Variants in RTF2 observed in about 807,000 individuals in gnomAD.
RTF2 encodes the protein UPF0549 protein C20orf43.
In RTF2, 18 loss-of-function variants were observed where a neutral mutation model predicts 38.0. The ratio of observed to expected loss-of-function variants is 0.47; its 90% confidence interval spans 0.33 to 0.70. RTF2 has a LOEUF of 0.70. Ranked by LOEUF, RTF2 falls within the 30% of genes least tolerant of loss-of-function variation. The pLI is 0.02. For missense variants in RTF2, 311 were observed against 379.6 expected (o/e 0.82, Z 1.50); for synonymous variants, 126 against 137.1 (o/e 0.92, Z 0.57).
chr20:56,481,194 G>C (rs1483513952), intron 4 of RTF2, among the ~76,000 whole-genome samples: 2 of 152,228 alleles, frequency 1.3e-5, no homozygotes, highest in Non-Finnish European at 2.9e-5. Context: ...ATTCAGGAAA[G>C]GGGTGGGGCA....
At chr20:56,493,492 T>C (rs1983303863) in intron 5 of RTF2, among the ~76,000 whole-genome samples, 1 of 151,776 alleles carries the variant, frequency 6.6e-6, no homozygotes, top group African/African-American at 2.4e-5. Flanking sequence ...ACCCCATATC[T>C]ACAAAGATAA....
At chr20:56,484,289 T>C (rs1179598749) in intron 5 of RTF2, 100 bp downstream of exon 5, 2 of 1,042,540 alleles carry the variant, frequency 1.9e-6, no homozygotes, top group Non-Finnish European at 3.0e-6. Flanking sequence ...AAATCAGCTC[T>C]CATAAGTTGC....
At chr20:56,517,699 A>G (rs1337193420) in intron 8 of RTF2, among the ~76,000 whole-genome samples, 5 of 152,196 alleles carry the variant, frequency 3.3e-5, no homozygotes. Context: ...AGAAAAATAC[A>G]GATTCATTGT....
chr20:56,496,384 C>G (rs1414645090), intron 5 of RTF2, among the ~76,000 whole-genome samples: 1 of 152,126 alleles, frequency 6.6e-6, no homozygotes, highest in Non-Finnish European at 1.5e-5. Context: ...ACTGTCTCTA[C>G]TAAAAATACA....
At chr20:56,485,231 G>A (rs1430997977) in intron 5 of RTF2, among the ~76,000 whole-genome samples, 1 of 152,190 alleles carries the variant, frequency 6.6e-6, no homozygotes, top group South Asian at 2.1e-4. Context: ...GAGACCCGAA[G>A]GGCACGAGGG....
chr20:56,497,481 A>G (rs1391190059), intron 5 of RTF2: 3 of 1,503,412 alleles, frequency 2.0e-6, no homozygotes, highest in Non-Finnish European at 2.7e-6. Context: ...GCCACATTCT[A>G]CTACTTCTGG....
At chr20:56,469,168 C>G (rs1195871997) in intron 1 of RTF2, among the ~76,000 whole-genome samples, 2 of 152,212 alleles carry the variant, frequency 1.3e-5, no homozygotes, top group Non-Finnish European at 2.9e-5. Context: ...TTTGTATACA[C>G]TAACTTCATT....
chr20:56,491,060 C>CT (rs1983096169), intron 5 of RTF2, among the ~76,000 whole-genome samples: 1 of 152,182 alleles, frequency 6.6e-6, no homozygotes, highest in African/African-American at 2.4e-5. Flanking sequence ...CAGATGAGCT[C>CT]TGTTTTACCC....
At chr20:56,513,497 T>A in intron 6 of RTF2, 69 bp downstream of exon 6, 2 of 1,540,776 alleles carry the variant, frequency 1.3e-6, no homozygotes, top group Non-Finnish European at 1.8e-6. Context: ...ATCACTGAAC[T>A]GAGCTGGCAG....
At chr20:56,499,329 T>G (rs4810022) in intron 5 of RTF2, among the ~76,000 whole-genome samples, 19 of 151,728 alleles carry the variant, frequency 1.3e-4, no homozygotes, top group Admixed American at 1.3e-3. Flanking sequence ...CCCAGGTGCA[T>G]GCCACCATGC....
intron 2 of RTF2, 36 bp from the exon 3 acceptor site, chr20:56,474,642 C>CTTCT: frequency 7.3e-7 from 1 of 1,363,618 alleles, no homozygotes; most frequent in Non-Finnish European, 1.0e-6. Context: ...TTGAAAGTCG[C>CTTCT]TTGTTGACAT....
intron 5 of RTF2, among the ~76,000 whole-genome samples, chr20:56,489,420 G>A (rs1302034845): frequency 6.6e-6 from 1 of 152,094 alleles, no homozygotes; most frequent in Non-Finnish European, 1.5e-5. Flanking sequence ...CCTGTTGGGG[G>A]CAGGTGTTTG....
Position 56,518,396 on chromosome 20 carries a change from C to A in RTF2, c.*131C>A. 1 of 946,056 alleles carries A rather than the reference C, an allele frequency of 1.1e-6. No homozygotes were observed. Among genetic ancestry groups the A allele is most frequent in the Non-Finnish European group, 1.5e-6 (1 of 652,384 alleles). 58.6% of individuals were successfully genotyped at this position (946,056 alleles called of 1,614,324 possible). A position where few individuals can be genotyped will look rare whatever the true frequency, so the allele number is the denominator to read the frequency against. On this transcript the variant is annotated 3_prime_UTR_variant, in exon 9 of 9. Transcript: ENST00000357348. ...GTGTCATAAAGCTGTCCTGGCCAGCCTTCAAGCTGGTGTGGCCACTCTTGA... is the reference window on the plus strand; with the variant it reads ...GTGTCATAAAGCTGTCCTGGCCAGCATTCAAGCTGGTGTGGCCACTCTTGA...
At chr20:56,479,374 C>T (rs965257309) in intron 4 of RTF2, among the ~76,000 whole-genome samples, 7 of 151,912 alleles carry the variant, frequency 4.6e-5, no homozygotes, top group African/African-American at 1.5e-4. Flanking sequence ...TACAGGTGCC[C>T]GCCACCGTGC....
chr20:56,486,302 T>C (rs540921187), intron 5 of RTF2, among the ~76,000 whole-genome samples: 1 of 152,332 alleles, frequency 6.6e-6, no homozygotes, highest in East Asian at 1.9e-4. Context: ...TTATGGTAAC[T>C]TGATATTTAT....
chr20:56,509,401 C>T (rs969658404), intron 5 of RTF2, among the ~76,000 whole-genome samples: 9 of 152,138 alleles, frequency 5.9e-5, no homozygotes, highest in South Asian at 2.1e-4. Context: ...CACCTGAGGT[C>T]GGGAGTTCAA....
At chr20:56,475,786 A>G (rs930467709) in intron 3 of RTF2, among the ~76,000 whole-genome samples, 4 of 152,246 alleles carry the variant, frequency 2.6e-5, no homozygotes, top group African/African-American at 7.2e-5. Flanking sequence ...ATACAGTTCT[A>G]TACTTAAAAT....
chr20:56,511,211 C>T (rs930212070), intron 5 of RTF2, among the ~76,000 whole-genome samples: 4 of 152,146 alleles, frequency 2.6e-5, no homozygotes, highest in African/African-American at 9.7e-5. Flanking sequence ...CGGTGACAGT[C>T]CGTGGCCTCT....
intron 5 of RTF2, among the ~76,000 whole-genome samples, chr20:56,485,747 G>A (rs1347705811): frequency 2.0e-5 from 3 of 152,234 alleles, no homozygotes; most frequent in African/African-American, 7.2e-5. Context: ...AGTATTTATT[G>A]TGGCTCCCGT....
Sources: allele counts gnomAD v4.1 joint callset (sites outside exome capture counted in the v4.1 genomes callset), GRCh38; gene constraint gnomAD v4.1.1; transcripts MANE v1.5; gene names NCBI Gene and HGNC (gene_info 2026-07-23, HGNC 2026-07-21).